CDH10: variants seen among roughly 807,000 people sequenced by gnomAD.
CDH10 encodes the protein cadherin 10, also known as cadherin-10.
In CDH10, 30 loss-of-function variants were observed where a neutral mutation model predicts 73.1. The observed-to-expected ratio is 0.41, with a 90% CI of 0.31 to 0.56. The LOEUF (loss-of-function observed/expected upper bound fraction) is 0.56, where lower values mean the gene tolerates loss of function less well. Among genes scored for constraint, CDH10 ranks in the 20% least tolerant of loss-of-function variants. The pLI, the probability that CDH10 is intolerant of heterozygous loss-of-function variation, is 0.27. For synonymous variants in CDH10, 345 were observed against 348.2 expected (o/e 0.99, Z 0.10); for missense variants, 815 against 973.7 (o/e 0.84, Z 2.17).
At chr5:24,614,589 C>T (rs1176305824) in intron 1 of CDH10, among the ~76,000 whole-genome samples, 1 of 152,118 alleles carries the variant, frequency 6.6e-6, no homozygotes, top group Non-Finnish European at 1.5e-5. Context: ...TTTTCTCTGT[C>T]ACTGCCTTTT....
intron 9 of CDH10, among the ~76,000 whole-genome samples, chr5:24,497,318 C>T (rs1480794624): frequency 6.6e-6 from 1 of 151,862 alleles, no homozygotes; most frequent in Non-Finnish European, 1.5e-5. Flanking sequence ...AGAGAAAAGA[C>T]TTCAGCTTAT....
At chr5:24,530,917 C>T (rs1743718161) in intron 5 of CDH10, among the ~76,000 whole-genome samples, 1 of 151,948 alleles carries the variant, frequency 6.6e-6, no homozygotes, top group Non-Finnish European at 1.5e-5. Flanking sequence ...ATCAGGCACA[C>T]AGTTATGATT....
At chr5:24,610,315 A>G (rs1746901414) in intron 1 of CDH10, among the ~76,000 whole-genome samples, 1 of 152,238 alleles carries the variant, frequency 6.6e-6, no homozygotes, top group Non-Finnish European at 1.5e-5. Flanking sequence ...AGAAAAGAAC[A>G]TTAAATAGCT....
intron 2 of CDH10, among the ~76,000 whole-genome samples, chr5:24,572,935 G>GAAAAAAAAAAAAAAAAAAAAAAA (rs55946839): frequency 4.2e-5 from 3 of 72,114 alleles, no homozygotes; most frequent in Non-Finnish European, 7.6e-5. Flanking sequence ...CTTAGAAAAA[G>GAAAAAAAAAAAAAAAAAAAAAAA]AAAAAAAAAA....
intron 7 of CDH10, among the ~76,000 whole-genome samples, chr5:24,507,842 C>G (rs1742754577): frequency 6.6e-6 from 1 of 152,022 alleles, no homozygotes; most frequent in African/African-American, 2.4e-5. Flanking sequence ...ATGGGAAAAT[C>G]ATGCTGGCAT....
At chr5:24,582,892 C>T (rs897043700) in intron 2 of CDH10, among the ~76,000 whole-genome samples, 2 of 152,074 alleles carry the variant, frequency 1.3e-5, no homozygotes, top group African/African-American at 2.4e-5. Context: ...TAGTTACTTT[C>T]CTAGTCATTG....
At chr5:24,524,123 C>CAG in intron 5 of CDH10, among the ~76,000 whole-genome samples, 1 of 152,186 alleles carries the variant, frequency 6.6e-6, no homozygotes, top group African/African-American at 2.4e-5. Flanking sequence ...TCCCTACATA[C>CAG]AGAAGTTAAT....
At chr5:24,603,957 T>C (rs561782696) in intron 1 of CDH10, among the ~76,000 whole-genome samples, 5 of 152,200 alleles carry the variant, frequency 3.3e-5, no homozygotes, top group Admixed American at 3.3e-4. Context: ...GCTACCAATC[T>C]AATCAATGAG....
At chr5:24,592,289 A>G (rs926180343) in intron 2 of CDH10, among the ~76,000 whole-genome samples, 1 of 151,836 alleles carries the variant, frequency 6.6e-6, no homozygotes, top group Admixed American at 6.6e-5. Context: ...TGAAGATATT[A>G]TAGTTAAGGT....
intron 2 of CDH10, among the ~76,000 whole-genome samples, chr5:24,570,355 C>A (rs2112019881): frequency 6.6e-6 from 1 of 152,124 alleles, no homozygotes; most frequent in Non-Finnish European, 1.5e-5. Flanking sequence ...TGTACGAAAT[C>A]CCTTTCAAGG....
chr5:24,612,459 C>T (rs1018215031), intron 1 of CDH10: 8 of 152,052 alleles, frequency 5.3e-5, no homozygotes, highest in African/African-American at 1.4e-4. Flanking sequence ...TGCATATTTA[C>T]GACTGTGAAT....
chr5:24,539,946 T>A (rs1744089801), intron 2 of CDH10, among the ~76,000 whole-genome samples: 1 of 152,206 alleles, frequency 6.6e-6, no homozygotes, highest in Non-Finnish European at 1.5e-5. Flanking sequence ...GAAAAATTAT[T>A]GATATTATCA....
Position 24,509,655 on chromosome 5 carries a change from A to G in CDH10, c.1167T>C (p.Tyr389=), listed in dbSNP as rs932541716. The change falls in exon 7 of 12, where the codon TAT becomes TAC. Residue 389 remains tyrosine (Y), a synonymous_variant. Transcript: ENST00000264463. ...DEPPVFSRSS[Y]LFEVHEDIEV... Reference sequence around the variant, plus strand: ...CAATATCTTCATGAACTTCAAACAGATAGGAGGACCTACTAAAAACAGGAG... The same window carrying G: ...CAATATCTTCATGAACTTCAAACAGGTAGGAGGACCTACTAAAAACAGGAG... The G allele has an allele frequency of 1.3e-5, 21 of 1,613,286 alleles. No homozygotes were observed. Among genetic ancestry groups the G allele is most frequent in the Non-Finnish European group, 1.8e-5 (21 of 1,179,360 alleles).
chr5:24,571,817 T>G (rs75711786), intron 2 of CDH10, among the ~76,000 whole-genome samples: 6,088 of 152,154 alleles, frequency 0.04, 217 homozygotes, highest in African/African-American at 0.085. Context: ...GTATAAATAC[T>G]GCACCATACC....
intron 11 of CDH10, among the ~76,000 whole-genome samples, chr5:24,490,400 C>T (rs1742007496): frequency 2.7e-5 from 4 of 148,992 alleles, no homozygotes. Flanking sequence ...AAGTTTTGTT[C>T]TGGATTTCAT....
intron 5 of CDH10, among the ~76,000 whole-genome samples, chr5:24,532,228 T>C (rs910440659): frequency 2.6e-5 from 4 of 152,054 alleles, no homozygotes; most frequent in Non-Finnish European, 4.4e-5. Context: ...AAAGTTTGAG[T>C]TGTGACCTAA....
intron 5 of CDH10, among the ~76,000 whole-genome samples, chr5:24,522,191 TGTGA>T (rs1476280938): frequency 4.0e-5 from 5 of 124,746 alleles, no homozygotes; most frequent in Admixed American, 7.7e-5. Context: ...AATATGTAAT[TGTGA>T]GTGTTAAAAA....
chr5:24,537,721 C>T (rs2111898256), intron 2 of CDH10, 47 bp from the exon 3 acceptor site: 1 of 1,233,230 alleles, frequency 8.1e-7, no homozygotes, highest in Non-Finnish European at 1.1e-6. Context: ...TATAAAGGTG[C>T]AGGATGCTGA....
chr5:24,573,206 A>T (rs901173028), intron 2 of CDH10, among the ~76,000 whole-genome samples: 2 of 152,002 alleles, frequency 1.3e-5, no homozygotes, highest in Non-Finnish European at 2.9e-5. Flanking sequence ...GTTAAAAAAT[A>T]GTGACAGAAA....
Sources: allele counts gnomAD v4.1 joint callset (sites outside exome capture counted in the v4.1 genomes callset), GRCh38; gene constraint gnomAD v4.1.1; transcripts MANE v1.5; gene names NCBI Gene and HGNC (gene_info 2026-07-23, HGNC 2026-07-21).